FBXL7: variants seen among roughly 807,000 people sequenced by gnomAD.
FBXL7 encodes the protein F-box and leucine rich repeat protein 7.
A neutral mutation model predicts 38.3 loss-of-function variants in FBXL7; 12 were observed. That is an observed-to-expected ratio of 0.31 (90% confidence interval 0.20 to 0.51). The LOEUF is 0.51. Among genes scored for constraint, FBXL7 ranks in the 20% least tolerant of loss-of-function variants. FBXL7 has a pLI of 0.98. For missense variants in FBXL7, 567 were observed against 676.4 expected (o/e 0.84, Z 1.79); for synonymous variants, 297 against 300.9 (o/e 0.99, Z 0.13).
In FBXL7 at chr5:15,853,503, A is replaced by G. The variant is rs1034226401; in HGVS notation, c.128-74387A>G. Reference sequence around the variant, plus strand: ...GGGTGGCGAGAGGTGAGCGGGGAACATCTATTCCTGGGACCTTAGTAATGA... The same window carrying G: ...GGGTGGCGAGAGGTGAGCGGGGAACGTCTATTCCTGGGACCTTAGTAATGA... On this transcript the variant is annotated intron_variant, in intron 2 of 3. Coordinates refer to ENST00000504595, the MANE Select transcript of FBXL7 (RefSeq NM_012304.5). 1.4e-4 allele frequency among the ~76,000 whole-genome samples: 22 copies of G among 152,160 alleles called. No individual in the cohort carries two copies. The East Asian group carries it at 4.3e-3, about 29-fold the overall frequency.
At position 15,907,743 on chromosome 5, in the gene FBXL7, C is replaced by T. The variant is rs1183646365; in HGVS notation, c.128-20147C>T. Among the ~76,000 whole-genome samples the T allele has an allele frequency of 1.4e-3, 131 of 96,936 alleles. 2 individuals carry two copies. The East Asian group carries it at 0.036, about 26-fold the overall frequency. 63.6% of individuals were successfully genotyped at this position (96,936 alleles called of 152,430 possible). ...TTTCAGCTTTCTACATACGGCTAGC[C>T]AGTTTTCCCAGCACCATTTATTAAA... On this transcript the variant is annotated intron_variant, in intron 2 of 3. Coordinates refer to ENST00000504595, the MANE Select transcript of FBXL7 (RefSeq NM_012304.5).
intron 2 of FBXL7, among the ~76,000 whole-genome samples, chr5:15,661,370 G>T (rs11745041): frequency 0.37 from 56,108 of 151,600 alleles, 10,639 homozygotes; most frequent in East Asian, 0.5. Context: ...TAGTTCTTCC[G>T]TTCTAAGTTG....
At chr5:15,513,260 AT>A (rs939873522) in intron 1 of FBXL7, among the ~76,000 whole-genome samples, 52 of 150,294 alleles carry the variant, frequency 3.5e-4, no homozygotes, top group East Asian at 7.8e-4. Flanking sequence ...CATTGTTTCT[AT>A]TTTTTTTTTC....
At chr5:15,845,019 C>G (rs1466223030) in intron 2 of FBXL7, among the ~76,000 whole-genome samples, 1 of 152,192 alleles carries the variant, frequency 6.6e-6, no homozygotes, top group Non-Finnish European at 1.5e-5. Context: ...TCTCAGCCTC[C>G]AGCTTAGCCA....
chr5:15,863,600 T>G (rs906327991), intron 2 of FBXL7, among the ~76,000 whole-genome samples: 1 of 152,152 alleles, frequency 6.6e-6, no homozygotes, highest in African/African-American at 2.4e-5. Context: ...TATGGTTCAT[T>G]TGTCACCACC....
At chr5:15,677,371 G>A (rs1291864050) in intron 2 of FBXL7, among the ~76,000 whole-genome samples, 1 of 152,060 alleles carries the variant, frequency 6.6e-6, no homozygotes, top group East Asian at 1.9e-4. Context: ...GGAGGCTGAG[G>A]CAGGATAATT....
intron 2 of FBXL7, among the ~76,000 whole-genome samples, chr5:15,858,767 C>G (rs886289053): frequency 1.3e-5 from 2 of 152,040 alleles, no homozygotes; most frequent in African/African-American, 4.8e-5. Flanking sequence ...TGTTGCTTCT[C>G]TTATTTAATA....
intron 2 of FBXL7, among the ~76,000 whole-genome samples, chr5:15,865,390 T>C (rs926379877): frequency 2.0e-5 from 3 of 152,178 alleles, no homozygotes; most frequent in African/African-American, 7.2e-5. Context: ...GGAGCTTACC[T>C]GAATGTTCGA....
intron 1 of FBXL7, among the ~76,000 whole-genome samples, chr5:15,536,363 C>T (rs1270178299): frequency 6.6e-6 from 1 of 152,218 alleles, no homozygotes; most frequent in East Asian, 1.9e-4. Context: ...GCACTGTGCA[C>T]TTGGAAAAGC....
intron 2 of FBXL7, among the ~76,000 whole-genome samples, chr5:15,624,370 A>G (rs1161208099): frequency 2.0e-5 from 3 of 152,154 alleles, no homozygotes; most frequent in African/African-American, 7.2e-5. Flanking sequence ...ATGAGAACAG[A>G]TATTTTAACT....
intron 2 of FBXL7, among the ~76,000 whole-genome samples, chr5:15,745,286 T>A (rs1735985956): frequency 6.6e-6 from 1 of 152,194 alleles, no homozygotes; most frequent in African/African-American, 2.4e-5. Context: ...AACCCTAGTG[T>A]AAGCTAATGC....
intron 2 of FBXL7, among the ~76,000 whole-genome samples, chr5:15,797,862 A>G (rs972218083): frequency 6.6e-6 from 1 of 152,206 alleles, no homozygotes; most frequent in African/African-American, 2.4e-5. Context: ...AAGAAATTAT[A>G]TGTTCTGAAA....
intron 1 of FBXL7, among the ~76,000 whole-genome samples, chr5:15,568,197 G>C (rs1479492805): frequency 1.3e-5 from 2 of 151,948 alleles, no homozygotes; most frequent in Admixed American, 6.6e-5. Context: ...GGTTGAACTA[G>C]TTTACAGTCC....
chr5:15,790,574 G>T (rs1010470075), intron 2 of FBXL7, among the ~76,000 whole-genome samples: 1 of 152,136 alleles, frequency 6.6e-6, no homozygotes, highest in Non-Finnish European at 1.5e-5. Context: ...TGCGAACCTA[G>T]TCATTGGCCA....
intron 2 of FBXL7, among the ~76,000 whole-genome samples, chr5:15,805,886 ATT>A (rs1458327810): frequency 6.6e-6 from 1 of 152,212 alleles, no homozygotes; most frequent in African/African-American, 2.4e-5. Flanking sequence ...TTCTTTGGGC[ATT>A]GAAGTAGCTG....
chr5:15,610,132 C>T (rs1355098588), intron 1 of FBXL7, among the ~76,000 whole-genome samples: 2 of 152,186 alleles, frequency 1.3e-5, no homozygotes, highest in Admixed American at 6.5e-5. Flanking sequence ...CCCCATGATT[C>T]GGTTATCTCC....
intron 2 of FBXL7, among the ~76,000 whole-genome samples, chr5:15,716,091 A>G (rs1367343125): frequency 6.6e-6 from 1 of 152,222 alleles, no homozygotes; most frequent in Non-Finnish European, 1.5e-5. Flanking sequence ...ATAAAAGTAT[A>G]TTTCATCAAA....
chr5:15,510,905 C>G lies in FBXL7; in HGVS notation c.37+10192C>G, dbSNP rs113117271. Among the ~76,000 whole-genome samples, 971 of 152,278 alleles carry G rather than the reference C, an allele frequency of 6.4e-3. 13 individuals are homozygous for G. The highest frequency in any genetic ancestry group is 0.022 in the African/African-American group (917 of 41,558). On this transcript the variant is annotated intron_variant, in intron 1 of 3. Transcript: ENST00000504595. Reference sequence around the variant, plus strand: ...GGTGATTGATCCCACTTTACAGTTACCCACACAGAAGCTTAGATGCCAACT... The same window carrying G: ...GGTGATTGATCCCACTTTACAGTTAGCCACACAGAAGCTTAGATGCCAACT...
intron 2 of FBXL7, among the ~76,000 whole-genome samples, chr5:15,659,403 A>G (rs1197142021): frequency 6.6e-6 from 1 of 152,214 alleles, no homozygotes; most frequent in Non-Finnish European, 1.5e-5. Flanking sequence ...GGCTTGTGTG[A>G]AGGTAGGAAA....
Sources: gnomAD v4.1 joint callset for allele counts (sites outside exome capture counted in the v4.1 genomes callset) on GRCh38, gnomAD v4.1.1 for gene constraint, MANE v1.5 for transcripts, NCBI Gene and HGNC (gene_info 2026-07-23, HGNC 2026-07-21) for gene names.